RBM19: variants seen among roughly 807,000 people sequenced by gnomAD.
The protein encoded by RBM19 is RNA binding motif protein 19.
A neutral mutation model predicts 116.8 loss-of-function variants in RBM19; 94 were observed. That is an observed-to-expected ratio of 0.80 (90% CI 0.68 to 0.95). The LOEUF (loss-of-function observed/expected upper bound fraction) is 0.95, where lower values mean the gene tolerates loss of function less well. Ranked by LOEUF, RBM19 falls within the 40% of genes least tolerant of loss-of-function variation. The pLI is 0.00. For synonymous variants in RBM19, 475 were observed against 494.1 expected (o/e 0.96, Z 0.51); for missense variants, 1,161 against 1,220.7 (o/e 0.95, Z 0.73).
At position 113,957,881 on chromosome 12, in the gene RBM19, G is replaced by A. The variant is rs375027106; in HGVS notation, c.741C>T (p.Ser247=). ...TTTCCTGCAGGACTGGGGTGGCGGAGGAATCCTCTTCCTCGGCCTCACTCC... is the reference window on the plus strand; with the variant it reads ...TTTCCTGCAGGACTGGGGTGGCGGAAGAATCCTCTTCCTCGGCCTCACTCC... ...DEGSEAEEED[S]SATPVLQERD... Residue 247 remains serine (S), a synonymous_variant, in exon 6 of 24, where the codon TCC becomes TCT. Transcript: ENST00000261741. 3.7e-5 allele frequency: 59 copies of A among 1,614,016 alleles called. No individual in the cohort carries two copies. The African/African-American group carries it at 7.5e-4, about 20-fold the overall frequency.
chr12:113,959,922 G>C lies in RBM19; in HGVS notation c.340-19C>G. The C allele has an allele frequency of 6.2e-7, 1 of 1,614,198 alleles. No individual in the cohort carries two copies. Among genetic ancestry groups the C allele is most frequent in the Non-Finnish European group, 8.5e-7 (1 of 1,180,022 alleles). On this transcript the variant is annotated intron_variant, in intron 3 of 23. Transcript: ENST00000261741. Reference sequence around the variant, plus strand: ...TCTCATCCTGAAAACAGAAGGCACAGAGAGTGAGGGTCACACAGATGAAGA... The same window carrying C: ...TCTCATCCTGAAAACAGAAGGCACACAGAGTGAGGGTCACACAGATGAAGA...
At chr12:113,879,428 A>ATT (rs1250510773) in intron 21 of RBM19, among the ~76,000 whole-genome samples, 76 of 58,408 alleles carry the variant, frequency 1.3e-3, no homozygotes, top group African/African-American at 1.9e-3. Context: ...TCATACATAC[A>ATT]TTTTATATAT....
chr12:113,923,770 A>AT (rs1422508552), intron 18 of RBM19, among the ~76,000 whole-genome samples: 1 of 152,256 alleles, frequency 6.6e-6, no homozygotes, highest in East Asian at 1.9e-4. Context: ...TGTCCCTGCC[A>AT]TCCAACCCCT....
At position 113,846,191 on chromosome 12, in the gene RBM19, C is replaced by T. The variant is rs1258613531; in HGVS notation, c.2665-1403G>A. Among the ~76,000 whole-genome samples, 3 of 152,116 alleles carry T rather than the reference C, an allele frequency of 2.0e-5. No individual in the cohort carries two copies. In the East Asian group the frequency reaches 5.8e-4, roughly 29 times the overall value. ...TGGAGAGCAACGGTGGCTAAGAAGG[C>T]CCTTTGCTTTGCTTCTGGGTTGCAG... On this transcript the variant is annotated intron_variant, in intron 22 of 23. Coordinates refer to ENST00000261741, the MANE Select transcript of RBM19 (RefSeq NM_016196.4).
chr12:113,853,170 C>T (rs1877600272), intron 22 of RBM19, among the ~76,000 whole-genome samples: 1 of 152,222 alleles, frequency 6.6e-6, no homozygotes, highest in Non-Finnish European at 1.5e-5. Context: ...GCCACATGTC[C>T]ACATCCCTTC....
downstream of RBM19, chr12:113,818,148 C>A (rs1434172370): frequency 7.2e-6 from 1 of 139,188 alleles, no homozygotes; most frequent in Non-Finnish European, 1.5e-5. Context: ...ATCGCTTGAA[C>A]CAGGGAGGTG....
In RBM19 at chr12:113,918,299, T is replaced by C. The variant is rs1194090543; in HGVS notation, c.2441+93A>G. 1.1e-5 allele frequency: 13 copies of C among 1,214,194 alleles called. No individual in the cohort carries two copies. In the East Asian group the frequency reaches 1.9e-4, roughly 17 times the overall value. 75.2% of individuals were successfully genotyped at this position (1,214,194 alleles called of 1,614,324 possible). ...GGTAAAGGGATAGGTGGAAAGGACA[T>C]TGAAGGGTTGTGAGACAGCCTCCAG... is the stretch of plus-strand genomic sequence containing the variant. On this transcript the variant is annotated intron_variant, in intron 20 of 23. Transcript: ENST00000261741.
intron 12 of RBM19, 28 bp downstream of exon 12, chr12:113,946,326 G>A (rs1346820847): frequency 4.3e-6 from 7 of 1,613,914 alleles, no homozygotes; most frequent in Non-Finnish European, 5.9e-6. Flanking sequence ...TGGGGTTGGA[G>A]CTCAGTGGTT....
chr12:113,823,934 T>C (rs368531679), intron 23 of RBM19, among the ~76,000 whole-genome samples: 11 of 152,148 alleles, frequency 7.2e-5, no homozygotes. Context: ...ATAGAACAGA[T>C]GCAAAGCTCA....
chr12:113,882,240 C>T (rs924875148), intron 21 of RBM19, among the ~76,000 whole-genome samples: 2 of 152,182 alleles, frequency 1.3e-5, no homozygotes, highest in Non-Finnish European at 2.9e-5. Flanking sequence ...TTGCATAGGA[C>T]AGGCACCAGG....
intron 19 of RBM19, among the ~76,000 whole-genome samples, chr12:113,920,238 C>A (rs757775932): frequency 5.3e-5 from 8 of 152,178 alleles, no homozygotes; most frequent in Non-Finnish European, 1.2e-4. Flanking sequence ...TGCCCCACCT[C>A]CACCCCCAAC....
chr12:113,950,546 C>A (rs1301514603), intron 8 of RBM19, among the ~76,000 whole-genome samples: 7 of 152,188 alleles, frequency 4.6e-5, no homozygotes, highest in Non-Finnish European at 1.0e-4. Flanking sequence ...CACACCCACT[C>A]TGCTCCTGGG....
chr12:113,958,293 T>C (rs1452950784), intron 5 of RBM19, among the ~76,000 whole-genome samples: 3 of 152,140 alleles, frequency 2.0e-5, no homozygotes. Context: ...CCACCAGCCA[T>C]GTCTTCCTAG....
At position 113,960,057 on chromosome 12, in the gene RBM19, A is replaced by G. The variant is rs780186655; in HGVS notation, c.339+2T>C. ...CAGAGGCTAGAGTGACCCTTTACATACTTTCTTAATTTCTGGAGTAGTAGA... is the reference window on the plus strand; with the variant it reads ...CAGAGGCTAGAGTGACCCTTTACATGCTTTCTTAATTTCTGGAGTAGTAGA... On this transcript the variant is annotated splice_donor_variant, in intron 3 of 23. Transcript: ENST00000261741. LOFTEE classifies it high-confidence loss of function. The G allele has an allele frequency of 6.2e-7, 1 of 1,614,050 alleles. No individual in the cohort carries two copies. Among genetic ancestry groups the G allele is most frequent in the Admixed American group, 1.7e-5 (1 of 60,020 alleles).
At chr12:113,956,942 C>T (rs922232768) in intron 6 of RBM19, among the ~76,000 whole-genome samples, 3 of 152,138 alleles carry the variant, frequency 2.0e-5, no homozygotes, top group East Asian at 3.9e-4. Flanking sequence ...TAGTGTGTAG[C>T]GCAGGCTCAG....
At chr12:113,940,727 A>T (rs909532429) in intron 14 of RBM19, among the ~76,000 whole-genome samples, 5 of 152,184 alleles carry the variant, frequency 3.3e-5, no homozygotes, top group African/African-American at 1.2e-4. Context: ...CCTTCCCTGC[A>T]TCCCTTTCTC....
rs1351600054 is a variant in RBM19, at chr12:113,948,999, G to A, written c.1110C>T (p.Val370=). 2 of 1,614,052 alleles carry A rather than the reference G, an allele frequency of 1.2e-6. No individual in the cohort carries two copies. The highest frequency in any genetic ancestry group is 1.7e-6 in the Non-Finnish European group (2 of 1,180,028). ...TCTTTGGTGCACCCTTGGTGGTGGGGACGTTCTTTTCCCTGAACACCTCGA... is the reference window on the plus strand; with the variant it reads ...TCTTTGGTGCACCCTTGGTGGTGGGAACGTTCTTTTCCCTGAACACCTCGA... ...RYIEVFREKN[V]PTTKGAPKNT... is the part of the protein sequence containing the mutation. The change falls in exon 10 of 24, where the codon GTC becomes GTT. Residue 370 remains valine, a synonymous_variant. Transcript: ENST00000261741.
At chr12:113,947,581 C>T in intron 10 of RBM19, 117 bp from the exon 11 acceptor site, 1 of 1,125,586 alleles carries the variant, frequency 8.9e-7, no homozygotes, top group Non-Finnish European at 1.2e-6. Flanking sequence ...ATTTCCCAGT[C>T]CCCTACGTGT....
intron 23 of RBM19, among the ~76,000 whole-genome samples, chr12:113,837,564 C>T (rs1315955631): frequency 6.6e-6 from 1 of 152,208 alleles, no homozygotes; most frequent in Non-Finnish European, 1.5e-5. Context: ...CGCTGTGGCC[C>T]CATCGTACCA....
Sources: gnomAD v4.1 joint callset for allele counts (sites outside exome capture counted in the v4.1 genomes callset) on GRCh38, gnomAD v4.1.1 for gene constraint, MANE v1.5 for transcripts, NCBI Gene and HGNC (gene_info 2026-07-23, HGNC 2026-07-21) for gene names.